AEBP2: variants seen among roughly 807,000 people sequenced by gnomAD.
AEBP2 encodes the protein zinc finger protein AEBP2.
In AEBP2, 10 loss-of-function variants were observed where a neutral mutation model predicts 50.8. That is an observed-to-expected ratio of 0.20 (90% CI 0.12 to 0.33). AEBP2 has a LOEUF of 0.33. Ranked by LOEUF, AEBP2 falls within the 10% of genes least tolerant of loss-of-function variation. The probability of loss-of-function intolerance (pLI) is 1.00; values close to 1 mark genes in which losing one functional copy is unlikely to be tolerated. For missense variants in AEBP2, 570 were observed against 688.0 expected (o/e 0.83, Z 1.92); for synonymous variants, 296 against 261.3 (o/e 1.13, Z -1.28).
chr12:19,423,651 GA>G (rs2095747005), intron 1 of AEBP2, among the ~76,000 whole-genome samples: 1 of 152,176 alleles, frequency 6.6e-6, no homozygotes, highest in South Asian at 2.1e-4. Flanking sequence ...GACAGCTGCT[GA>G]AGGGCCACAT....
chr12:19,428,987 TC>T (rs200878258), intron 1 of AEBP2, among the ~76,000 whole-genome samples: 3,411 of 152,214 alleles, frequency 0.022, 48 homozygotes, highest in East Asian at 0.045. Context: ...ATTTTTTTTT[TC>T]CATTATACTT....
intron 2 of AEBP2, among the ~76,000 whole-genome samples, chr12:19,468,101 A>G (rs1359760837): frequency 7.2e-6 from 1 of 139,054 alleles, no homozygotes; most frequent in African/African-American, 2.6e-5. Context: ...CCGTGGAATC[A>G]TCCATCCAAC....
intron 1 of AEBP2, chr12:19,456,802 C>T (rs1948276557): frequency 2.5e-5 from 39 of 1,564,322 alleles, no homozygotes; most frequent in Non-Finnish European, 3.1e-5. Context: ...GCAAAGGTGA[C>T]CACCATACCA....
chr12:19,457,391 G>T, intron 1 of AEBP2: 1 of 1,437,190 alleles, frequency 7.0e-7, no homozygotes, highest in Non-Finnish European at 9.6e-7. Flanking sequence ...TGATAGTCAC[G>T]TAGCACTTGC....
At chr12:19,463,828 G>A (rs1948423256) in intron 2 of AEBP2, among the ~76,000 whole-genome samples, 1 of 151,852 alleles carries the variant, frequency 6.6e-6, no homozygotes, top group Non-Finnish European at 1.5e-5. Flanking sequence ...ACCATGCCTG[G>A]CTAATTTTTG....
chr12:19,476,373 G>A (rs532936999), intron 3 of AEBP2, among the ~76,000 whole-genome samples: 15 of 152,034 alleles, frequency 9.9e-5, no homozygotes, highest in East Asian at 7.8e-4. Flanking sequence ...ACTGAGTCTC[G>A]CTCTGTCACC....
intron 3 of AEBP2, among the ~76,000 whole-genome samples, chr12:19,487,365 TCA>T (rs911793231): frequency 3.3e-5 from 5 of 152,158 alleles, no homozygotes; most frequent in African/African-American, 1.2e-4. Context: ...TTTAGTATAT[TCA>T]CAGTTTTGTA....
intron 1 of AEBP2, chr12:19,413,544 T>TA: frequency 1.4e-6 from 1 of 724,938 alleles, no homozygotes; most frequent in East Asian, 2.5e-5. Flanking sequence ...GTTTGTTTAT[T>TA]GTCTATATGC....
chr12:19,407,278 G>A (rs577768822), intron 1 of AEBP2, among the ~76,000 whole-genome samples: 1 of 152,126 alleles, frequency 6.6e-6, no homozygotes, highest in Admixed American at 6.6e-5. Context: ...TTCAGCTCGG[G>A]TGACACAGAA....
rs1565742783 is a variant in AEBP2 at position 19,520,514 on chromosome 12, C to A, written c.*2397C>A. On this transcript the variant is annotated 3_prime_UTR_variant, in exon 8 of 8. Transcript: ENST00000266508. ...ATGTATACATATATACACATAACAT[C>A]CAATTATGACTGGGTAATAAGTGTG... is the stretch of plus-strand genomic sequence containing the variant. 6.6e-6 allele frequency: 1 copy of A among 152,082 alleles called. No individual in the cohort carries two copies. Among genetic ancestry groups the A allele is most frequent in the Non-Finnish European group, 1.5e-5 (1 of 68,008 alleles). The allele number at this position is 152,082 out of a possible 1,614,324, so 9.4% of individuals were successfully genotyped here. A position where few individuals can be genotyped will look rare whatever the true frequency, so the allele number is the denominator to read the frequency against.
At position 19,520,043 on chromosome 12, in the gene AEBP2, ATC is replaced by A. The variant is rs371082707; in HGVS notation, c.*1930_*1931del. ...TTCTGTATCTGCGAAGTAATCTGCAATCTCTTTTGTTCTTTTTAAAATTTGAT... is the reference window on the plus strand; with the variant it reads ...TTCTGTATCTGCGAAGTAATCTGCAATCTTTTGTTCTTTTTAAAATTTGAT... On this transcript the variant is annotated 3_prime_UTR_variant, in exon 8 of 8. Transcript: ENST00000266508. 152 of 152,672 alleles carry A rather than the reference ATC, an allele frequency of 1.0e-3. 1 individual carries two copies. Among genetic ancestry groups the A allele is most frequent in the African/African-American group, 3.5e-3 (147 of 41,578 alleles). The allele number at this position is 152,672 out of a possible 1,614,324, so 9.5% of individuals were successfully genotyped here.
At chr12:19,445,569 C>T (rs1948046477) in intron 1 of AEBP2, among the ~76,000 whole-genome samples, 1 of 152,138 alleles carries the variant, frequency 6.6e-6, no homozygotes, top group African/African-American at 2.4e-5. Flanking sequence ...AAACAAAACC[C>T]TTACCTCATG....
At chr12:19,444,686 T>G (rs1948027618) in intron 1 of AEBP2, among the ~76,000 whole-genome samples, 1 of 152,262 alleles carries the variant, frequency 6.6e-6, no homozygotes, top group African/African-American at 2.4e-5. Flanking sequence ...TAATTTCTGT[T>G]AAAGAGCGCT....
At chr12:19,437,657 A>C (rs1423603608), upstream of AEBP2, among the ~76,000 whole-genome samples, 1 of 152,162 alleles carries the variant, frequency 6.6e-6, no homozygotes, top group African/African-American at 2.4e-5. Flanking sequence ...ATAGTTTTTA[A>C]TTTACAGTTT....
rs149907309 is a variant in AEBP2 at position 19,504,873 on chromosome 12, G to T, written c.1299+4652G>T. On this transcript the variant is annotated intron_variant, in intron 5 of 7. Coordinates refer to ENST00000266508, the MANE Select transcript of AEBP2 (RefSeq NM_153207.5). ...TTTAAAGGTAGAATTGTATATTTTA[G>T]AAATTAGATAAGGATATAAAGGAGA... is the stretch of plus-strand genomic sequence containing the variant. Among the ~76,000 whole-genome samples, 263 of 152,276 alleles carry T rather than the reference G, an allele frequency of 1.7e-3. 4 individuals carry two copies. The highest frequency in any genetic ancestry group is 0.015 in the Admixed American group (228 of 15,288).
rs1344995551 is a variant in AEBP2 at position 19,440,150 on chromosome 12, G to A, written c.451G>A (p.Asp151Asn). The stretch of plus-strand genomic sequence containing the variant: ...CGGCGCCGCCAGCAGCAGCAGCGGG[G>A]ATGGGGACGGCAAGGAGGGCCTGGA... ...SPGAASSSSG[D>N]GDGKEGLEEP... is the part of the protein sequence containing the mutation. The change falls in exon 1 of 8, where the codon GAT becomes AAT. Residue 151 changes from aspartate to asparagine, a missense_variant. This residue lies in a region of AEBP2 where 386 missense variants were observed against 336.8 expected (regional missense o/e 1.15). Coordinates refer to ENST00000266508, the MANE Select transcript of AEBP2 (RefSeq NM_153207.5). The A allele has an allele frequency of 1.3e-6, 2 of 1,507,320 alleles. No individual in the cohort carries two copies. Among genetic ancestry groups the A allele is most frequent in the Non-Finnish European group, 1.8e-6 (2 of 1,134,778 alleles). 93.4% of individuals were successfully genotyped at this position (1,507,320 alleles called of 1,614,324 possible).
At position 19,439,709 on chromosome 12, in the gene AEBP2, G is replaced by C; in HGVS notation, c.10G>C (p.Ala4Pro). Residue 4 changes from alanine (A) to proline (P), a missense_variant, in exon 1 of 8, where the codon GCT (alanine) becomes CCT (proline). Physicochemically the swap from Ala to Pro is conservative, Grantham distance 27 (BLOSUM62 -1). This residue lies in a region of AEBP2 where 386 missense variants were observed against 336.8 expected (regional missense o/e 1.15). Coordinates refer to ENST00000266508, the MANE Select transcript of AEBP2 (RefSeq NM_153207.5). ...AGGAGCAGGCGCCGCCATGGCCGCC[G>C]CTATCACCGACATGGCCGACCTGGA... MAA[A>P]ITDMADLEEL... 1 of 1,517,000 alleles carries C rather than the reference G, an allele frequency of 6.6e-7. No homozygotes were observed. The highest frequency in any genetic ancestry group is 8.8e-7 in the Non-Finnish European group (1 of 1,138,912). 94.0% of individuals were successfully genotyped at this position (1,517,000 alleles called of 1,614,324 possible). A position where few individuals can be genotyped will look rare whatever the true frequency, so the allele number is the denominator to read the frequency against.
At position 19,521,316 on chromosome 12, in the gene AEBP2, A is replaced by G. The variant is rs1949394968; in HGVS notation, c.*3199A>G. Reference sequence around the variant, plus strand: ...ATTTTACAGTAAATACTGCCATATTAGGTACCTACAACAAATGGTGGTTTT... The same window carrying G: ...ATTTTACAGTAAATACTGCCATATTGGGTACCTACAACAAATGGTGGTTTT... On this transcript the variant is annotated 3_prime_UTR_variant, in exon 8 of 8. Transcript: ENST00000266508. 1 of 152,170 alleles carries G rather than the reference A, an allele frequency of 6.6e-6. No homozygotes were observed. Among genetic ancestry groups the G allele is most frequent in the African/African-American group, 2.4e-5 (1 of 41,434 alleles). 9.4% of individuals were successfully genotyped at this position (152,170 alleles called of 1,614,324 possible). A position where few individuals can be genotyped will look rare whatever the true frequency, so the allele number is the denominator to read the frequency against.
At chr12:19,451,910 G>C (rs1354764537) in intron 1 of AEBP2, among the ~76,000 whole-genome samples, 1 of 151,906 alleles carries the variant, frequency 6.6e-6, no homozygotes, top group Non-Finnish European at 1.5e-5. Context: ...ATTTATTTTT[G>C]AGATGGATTC....
Sources: allele counts gnomAD v4.1 joint callset (sites outside exome capture counted in the v4.1 genomes callset), GRCh38; gene constraint gnomAD v4.1.1; regional missense constraint gnomAD v4.1.1; transcripts MANE v1.5; gene names NCBI Gene and HGNC (gene_info 2026-07-23, HGNC 2026-07-21).